ANKRD33B: variants seen among roughly 807,000 people sequenced by gnomAD.
ANKRD33B encodes the protein ankyrin repeat domain 33B, also known as ankyrin repeat domain-containing protein 33B.
Under a neutral mutation model 21.5 loss-of-function variants are expected in ANKRD33B, and 6 were observed. That is an observed-to-expected ratio of 0.28 (90% CI 0.15 to 0.55). ANKRD33B has a LOEUF of 0.55. Among genes scored for constraint, ANKRD33B ranks in the 20% least tolerant of loss-of-function variants. The pLI, the probability that ANKRD33B is intolerant of heterozygous loss-of-function variation, is 0.94. For synonymous variants in ANKRD33B, 347 were observed against 342.4 expected (o/e 1.01, Z -0.15); for missense variants, 698 against 747.2 (o/e 0.93, Z 0.77).
At chr5:10,611,064 T>A (rs530008941) in intron 1 of ANKRD33B, among the ~76,000 whole-genome samples, 16 of 151,968 alleles carry the variant, frequency 1.1e-4, no homozygotes, top group African/African-American at 1.2e-4. Context: ...AATAAATAAA[T>A]AAAAATATAT....
chr5:10,572,342 G>T (rs1338750640), intron 1 of ANKRD33B, among the ~76,000 whole-genome samples: 1 of 152,092 alleles, frequency 6.6e-6, no homozygotes, highest in East Asian at 1.9e-4. Flanking sequence ...CAGAATCCCA[G>T]CCCTCCCCAC....
intron 2 of ANKRD33B, among the ~76,000 whole-genome samples, chr5:10,622,798 A>T (rs10065487): frequency 0.053 from 1,791 of 33,564 alleles, 132 homozygotes; most frequent in East Asian, 0.11. Flanking sequence ...TTTTTGCTTT[A>T]TTTTATTTTA....
intron 3 of ANKRD33B, among the ~76,000 whole-genome samples, chr5:10,644,021 A>C (rs1737134881): frequency 6.9e-6 from 1 of 145,178 alleles, no homozygotes; most frequent in Non-Finnish European, 1.5e-5. Context: ...AAAAAAAAAA[A>C]GTGTTGAATT....
Position 10,564,549 on chromosome 5 carries a change from G to A in ANKRD33B, c.82G>A (p.Ala28Thr). 1.3e-6 allele frequency: 2 copies of A among 1,533,526 alleles called. No homozygotes were observed. The highest frequency in any genetic ancestry group is 2.0e-5 in the Admixed American group (1 of 50,966). 95.0% of individuals were successfully genotyped at this position (1,533,526 alleles called of 1,614,324 possible). A position where few individuals can be genotyped will look rare whatever the true frequency, so the allele number is the denominator to read the frequency against. Residue 28 changes from alanine to threonine, a missense_variant, in exon 1 of 4, where the codon GCG becomes ACG. Transcript: ENST00000296657. Reference protein sequence around the residue: ...TPPPPSPPRGAQVEEDPADYE... With the variant: ...TPPPPSPPRGTQVEEDPADYE... ...ACCACCGCCGTCCCCACCCCGGGGCGCGCAGGTCGAGGAGGACCCCGCTGA... is the reference window on the plus strand; with the variant it reads ...ACCACCGCCGTCCCCACCCCGGGGCACGCAGGTCGAGGAGGACCCCGCTGA...
At position 10,649,510 on chromosome 5, in the gene ANKRD33B, C is replaced by T. The variant is rs1018395788; in HGVS notation, c.882C>T (p.Arg294=). 2 of 1,534,438 alleles carry T rather than the reference C, an allele frequency of 1.3e-6. No individual in the cohort carries two copies. Among genetic ancestry groups the T allele is most frequent in the Admixed American group, 2.0e-5 (1 of 50,940 alleles). Residue 294 remains arginine (R), a synonymous_variant, in exon 4 of 4, where the codon CGC becomes CGT. Coordinates refer to ENST00000296657, the MANE Select transcript of ANKRD33B (RefSeq NM_001164440.2). ...GCGTGCTGTCCGTGCTGACGCCGCGCTCCGTGCGGGGCCCGGAGGACGGGG... is the reference window on the plus strand; with the variant it reads ...GCGTGCTGTCCGTGCTGACGCCGCGTTCCGTGCGGGGCCCGGAGGACGGGG... ...TDCVLSVLTP[R]SVRGPEDGGV...
At chr5:10,577,952 T>C (rs1224203531) in intron 1 of ANKRD33B, among the ~76,000 whole-genome samples, 1 of 152,020 alleles carries the variant, frequency 6.6e-6, no homozygotes. Flanking sequence ...TCCTTGGGAG[T>C]ACAAAGGCCC....
rs1044561991 is a variant in ANKRD33B, at chr5:10,619,361, A to G, written c.496+899A>G. 19 of 985,440 alleles carry G rather than the reference A, an allele frequency of 1.9e-5. No homozygotes were observed. The highest frequency in any genetic ancestry group is 7.0e-5 in the African/African-American group (4 of 57,352). The allele number at this position is 985,440 out of a possible 1,614,324, so 61.0% of individuals were successfully genotyped here. On this transcript the variant is annotated intron_variant, in intron 2 of 3. Coordinates refer to ENST00000296657, the MANE Select transcript of ANKRD33B (RefSeq NM_001164440.2). The surrounding 1 kb of genome is among the most constrained non-coding windows in gnomAD (Gnocchi z 4.5). ...CACTCAGGGCCTGGAAACTGGAGGA[A>G]GTGCCCCCGACCACACTGTATGTTG...
chr5:10,632,190 G>C (rs993930507), intron 2 of ANKRD33B, among the ~76,000 whole-genome samples: 2 of 152,040 alleles, frequency 1.3e-5, no homozygotes, highest in Non-Finnish European at 2.9e-5. Context: ...TGTGGGCAGC[G>C]TGGGGGGCGA....
At chr5:10,638,831 C>T (rs1212610544) in intron 3 of ANKRD33B, among the ~76,000 whole-genome samples, 1 of 150,804 alleles carries the variant, frequency 6.6e-6, no homozygotes, top group African/African-American at 2.4e-5. Flanking sequence ...GGAGGTGATC[C>T]GGAGTTACAT....
chr5:10,597,391 T>C (rs1735841674), intron 1 of ANKRD33B, among the ~76,000 whole-genome samples: 1 of 149,612 alleles, frequency 6.7e-6, no homozygotes, highest in Admixed American at 6.7e-5. Flanking sequence ...GGAGTGCAAT[T>C]CTAGTTTCTG....
At chr5:10,647,262 G>A (rs113264926) in intron 3 of ANKRD33B, among the ~76,000 whole-genome samples, 48 of 152,104 alleles carry the variant, frequency 3.2e-4, no homozygotes, top group South Asian at 6.2e-4. Flanking sequence ...CTGCCACCAC[G>A]CCCAGCTAAT....
chr5:10,593,773 T>TC (rs1360100512), intron 1 of ANKRD33B, among the ~76,000 whole-genome samples: 1 of 151,776 alleles, frequency 6.6e-6, no homozygotes, highest in Non-Finnish European at 1.5e-5. Flanking sequence ...CTCACCTGGA[T>TC]CCCCATTCCA....
intron 3 of ANKRD33B, among the ~76,000 whole-genome samples, chr5:10,642,995 C>T (rs567555658): frequency 6.6e-6 from 1 of 152,210 alleles, no homozygotes; most frequent in East Asian, 1.9e-4. Flanking sequence ...ATCTCTGCCT[C>T]CTGGGTTCAA....
intron 1 of ANKRD33B, among the ~76,000 whole-genome samples, chr5:10,595,155 A>T (rs2126564257): frequency 6.6e-6 from 1 of 152,262 alleles, no homozygotes; most frequent in African/African-American, 2.4e-5. Flanking sequence ...TGTTGGGGCC[A>T]GACCGGAGGG....
chr5:10,622,806 T>G (rs1224561136), intron 2 of ANKRD33B, among the ~76,000 whole-genome samples: 16,365 of 126,910 alleles, frequency 0.13, 1,327 homozygotes, highest in Non-Finnish European at 0.18. Flanking sequence ...TTATTTTATT[T>G]TATTTTTTTT....
chr5:10,614,744 G>C (rs181944989), intron 1 of ANKRD33B, among the ~76,000 whole-genome samples: 2 of 152,118 alleles, frequency 1.3e-5, no homozygotes, highest in South Asian at 2.1e-4. Context: ...AAAATTAGCC[G>C]GGCTTGGTGG....
At chr5:10,586,764 C>T (rs1041645128) in intron 1 of ANKRD33B, among the ~76,000 whole-genome samples, 1 of 152,086 alleles carries the variant, frequency 6.6e-6, no homozygotes. Context: ...TATTCTGGGA[C>T]ATTACTCATT....
At chr5:10,607,460 A>T (rs1736071149) in intron 1 of ANKRD33B, among the ~76,000 whole-genome samples, 1 of 152,206 alleles carries the variant, frequency 6.6e-6, no homozygotes, top group Non-Finnish European at 1.5e-5. Flanking sequence ...TAATTACCCA[A>T]AGCAAACCAG....
At position 10,650,242 on chromosome 5, in the gene ANKRD33B, A is replaced by G; in HGVS notation, c.*129A>G. 9.5e-7 allele frequency: 1 copy of G among 1,048,428 alleles called. No individual in the cohort carries two copies. The highest frequency in any genetic ancestry group is 3.4e-5 in the East Asian group (1 of 29,724). The allele number at this position is 1,048,428 out of a possible 1,614,324, so 64.9% of individuals were successfully genotyped here. Reference sequence around the variant, plus strand: ...CTCCATGGACCACGGGGCTGCGCGCATTTCCAGGCTGTTTGTCCAGGCTGC... The same window carrying G: ...CTCCATGGACCACGGGGCTGCGCGCGTTTCCAGGCTGTTTGTCCAGGCTGC... On this transcript the variant is annotated 3_prime_UTR_variant, in exon 4 of 4. Coordinates refer to ENST00000296657, the MANE Select transcript of ANKRD33B (RefSeq NM_001164440.2).
Sources: allele counts gnomAD v4.1 joint callset (sites outside exome capture counted in the v4.1 genomes callset), GRCh38; gene constraint gnomAD v4.1.1; non-coding constraint Gnocchi (gnomAD v3.1); transcripts MANE v1.5; gene names NCBI Gene and HGNC (gene_info 2026-07-23, HGNC 2026-07-21).